DLGAP2: variants seen among roughly 807,000 people sequenced by gnomAD.
DLGAP2 encodes DLG associated protein 2.
Under a neutral mutation model 100.3 loss-of-function variants are expected in DLGAP2, and 26 were observed. The observed-to-expected ratio is 0.26, with a 90% CI of 0.19 to 0.36. DLGAP2 has a LOEUF of 0.36. Among genes scored for constraint, DLGAP2 ranks in the 10% least tolerant of loss-of-function variants. The pLI is 1.00. For missense variants in DLGAP2, 1,858 were observed against 1,453.2 expected, an observed-to-expected ratio of 1.28 and a Z score of -4.53; for synonymous variants, 886 against 630.1, an observed-to-expected ratio of 1.41 and a Z score of -6.08.
chr8:1,272,913 C>A (rs953909376), intron 3 of DLGAP2, among the ~76,000 whole-genome samples: 1 of 152,078 alleles, frequency 6.6e-6, no homozygotes, highest in African/African-American at 2.4e-5. Flanking sequence ...AGATTCATGA[C>A]CACGTAAAAG....
chr8:1,282,643 A>G (rs1799840401), intron 3 of DLGAP2, among the ~76,000 whole-genome samples: 1 of 125,434 alleles, frequency 8.0e-6, no homozygotes, highest in Non-Finnish European at 1.7e-5. Flanking sequence ...ACCTGAACCC[A>G]GCGCATGAAC....
At chr8:1,085,466 T>C (rs1803943278) in intron 2 of DLGAP2, among the ~76,000 whole-genome samples, 1 of 152,346 alleles carries the variant, frequency 6.6e-6, no homozygotes, top group South Asian at 2.1e-4. Context: ...CCCTAAGTTT[T>C]CCTCTAGTAG....
intron 3 of DLGAP2, chr8:1,302,529 C>G (rs546795489): frequency 6.6e-6 from 1 of 151,800 alleles, no homozygotes. Flanking sequence ...GAGCTCTGCT[C>G]CATACCCGGG....
chr8:816,257 G>A (rs1189092451), intron 1 of DLGAP2, among the ~76,000 whole-genome samples: 2 of 138,500 alleles, frequency 1.4e-5, no homozygotes, highest in East Asian at 4.4e-4. Flanking sequence ...CATGCTATTT[G>A]TTTCCTGAAT....
At chr8:1,535,951 C>T (rs1175109221) in intron 4 of DLGAP2, among the ~76,000 whole-genome samples, 1 of 152,176 alleles carries the variant, frequency 6.6e-6, no homozygotes, top group Non-Finnish European at 1.5e-5. Flanking sequence ...ACATCCCTTG[C>T]GTGGCAGACA....
At chr8:1,330,859 A>T (rs1801141076) in intron 3 of DLGAP2, among the ~76,000 whole-genome samples, 1 of 145,388 alleles carries the variant, frequency 6.9e-6, no homozygotes, top group Non-Finnish European at 1.5e-5. Context: ...ACAGGGACTG[A>T]GTTCTGGGTG....
rs562336740 is a variant in DLGAP2, at chr8:1,304,223, C to G, written c.106+45340C>G. On this transcript the variant is annotated intron_variant, in intron 3 of 14. Coordinates refer to ENST00000637795, the MANE Select transcript of DLGAP2 (RefSeq NM_001346810.2). ...TGACAGCTTTTGTGTCCACGCTGGACTCTTCCTGTAGGAGCCCTGAGCATG... is the reference window on the plus strand; with the variant it reads ...TGACAGCTTTTGTGTCCACGCTGGAGTCTTCCTGTAGGAGCCCTGAGCATG... Among the ~76,000 whole-genome samples, 65 of 152,352 alleles carry G rather than the reference C, an allele frequency of 4.3e-4. No homozygotes were observed. The South Asian group carries it at 5.2e-3, about 12-fold the overall frequency.
intron 1 of DLGAP2, among the ~76,000 whole-genome samples, chr8:763,428 C>G (rs994514673): frequency 6.6e-6 from 1 of 152,206 alleles, no homozygotes; most frequent in Non-Finnish European, 1.5e-5. Flanking sequence ...TGCTGCCGTG[C>G]TCTTCTGCTG....
intron 2 of DLGAP2, among the ~76,000 whole-genome samples, chr8:940,877 C>T (rs1454498046): frequency 6.6e-6 from 1 of 152,076 alleles, no homozygotes; most frequent in Non-Finnish European, 1.5e-5. Context: ...GGCAGTCAGG[C>T]TGCTCGGGAG....
chr8:1,531,910 A>T (rs766809143), intron 4 of DLGAP2, among the ~76,000 whole-genome samples: 8 of 152,216 alleles, frequency 5.3e-5, no homozygotes, highest in Non-Finnish European at 1.0e-4. Flanking sequence ...CAGCCTCAAG[A>T]GGTCCTGAGG....
chr8:1,619,480 A>G (rs961780947), intron 6 of DLGAP2, among the ~76,000 whole-genome samples: 1 of 152,252 alleles, frequency 6.6e-6, no homozygotes, highest in African/African-American at 2.4e-5. Flanking sequence ...CTATGTAAGA[A>G]AGAAAAATAA....
intron 1 of DLGAP2, among the ~76,000 whole-genome samples, chr8:801,454 A>G (rs1318167078): frequency 6.6e-6 from 1 of 152,210 alleles, no homozygotes; most frequent in South Asian, 2.1e-4. Flanking sequence ...TGCTGCCCTC[A>G]TTAGGATGGA....
At chr8:1,000,797 G>A (rs540116745) in intron 2 of DLGAP2, among the ~76,000 whole-genome samples, 6 of 152,156 alleles carry the variant, frequency 3.9e-5, no homozygotes, top group Admixed American at 3.3e-4. Flanking sequence ...GGCTCCTCAA[G>A]ACTCCAAGCA....
At chr8:1,662,498 A>C (rs1798431038) in intron 8 of DLGAP2, among the ~76,000 whole-genome samples, 1 of 152,218 alleles carries the variant, frequency 6.6e-6, no homozygotes, top group Non-Finnish European at 1.5e-5. Context: ...AAAACACTAG[A>C]TCAGGTCATG....
intron 1 of DLGAP2, among the ~76,000 whole-genome samples, chr8:801,562 C>G (rs1796152258): frequency 1.3e-5 from 2 of 152,288 alleles, no homozygotes; most frequent in South Asian, 4.1e-4. Flanking sequence ...TCGGCCTTAG[C>G]CCTGGGTCTT....
chr8:1,124,101 G>A lies in DLGAP2; in HGVS notation c.74-134750G>A, dbSNP rs75512773. The stretch of plus-strand genomic sequence containing the variant: ...ACCGTGAATGTTTCTCATGCATATC[G>A]TTTCCCCAGAGTTTAACGCCAATAA... On this transcript the variant is annotated intron_variant, in intron 2 of 14. Coordinates refer to ENST00000637795, the MANE Select transcript of DLGAP2 (RefSeq NM_001346810.2). Among the ~76,000 whole-genome samples the A allele has an allele frequency of 1.4e-4, 21 of 152,274 alleles. No individual in the cohort carries two copies. The East Asian group carries it at 3.5e-3, about 25-fold the overall frequency.
chr8:935,315 C>T (rs962614153), intron 2 of DLGAP2, among the ~76,000 whole-genome samples: 1 of 152,224 alleles, frequency 6.6e-6, no homozygotes, highest in African/African-American at 2.4e-5. Flanking sequence ...CTGCCAACCA[C>T]ATGCGGTCGT....
chr8:1,353,254 T>C (rs1338400406), intron 3 of DLGAP2, among the ~76,000 whole-genome samples: 1 of 152,212 alleles, frequency 6.6e-6, no homozygotes, highest in African/African-American at 2.4e-5. Context: ...CAGGAGGCTT[T>C]CTCTAGACAC....
chr8:1,256,412 A>G (rs1313705857), intron 2 of DLGAP2, among the ~76,000 whole-genome samples: 2 of 107,520 alleles, frequency 1.9e-5, no homozygotes, highest in Non-Finnish European at 3.6e-5. Context: ...GTGCCGTCTT[A>G]TCCTGCTTGG....
Sources: gnomAD v4.1 joint callset for allele counts (sites outside exome capture counted in the v4.1 genomes callset) on GRCh38, gnomAD v4.1.1 for gene constraint, MANE v1.5 for transcripts, NCBI Gene and HGNC (gene_info 2026-07-23, HGNC 2026-07-21) for gene names.